Variants in LRRC4C observed in about 807,000 individuals in gnomAD.
LRRC4C encodes the protein leucine rich repeat containing 4C.
Under a neutral mutation model 33.6 loss-of-function variants are expected in LRRC4C, and 5 were observed. The observed-to-expected ratio is 0.15, with a 90% CI of 0.08 to 0.31. The LOEUF is 0.31. Among genes scored for constraint, LRRC4C ranks in the 10% least tolerant of loss-of-function variants. The pLI is 1.00. For missense variants in LRRC4C, 560 were observed against 796.7 expected (o/e 0.70, Z 3.58); for synonymous variants, 329 against 302.0 (o/e 1.09, Z -0.93).
At chr11:40,769,438 C>A (rs1949645896) in intron 2 of LRRC4C, among the ~76,000 whole-genome samples, 1 of 151,910 alleles carries the variant, frequency 6.6e-6, no homozygotes, top group African/African-American at 2.4e-5. Context: ...CAATCTCTAC[C>A]AAAACACCAA....
intron 2 of LRRC4C, among the ~76,000 whole-genome samples, chr11:40,895,137 AT>A (rs2136139273): frequency 6.6e-6 from 1 of 152,264 alleles, no homozygotes; most frequent in African/African-American, 2.4e-5. Context: ...GGAAAAAAAA[AT>A]GTACTGAAAA....
At chr11:40,321,809 C>A (rs1435352820) in intron 3 of LRRC4C, among the ~76,000 whole-genome samples, 2 of 152,154 alleles carry the variant, frequency 1.3e-5, no homozygotes, top group Non-Finnish European at 2.9e-5. Flanking sequence ...CATTCCATTT[C>A]AATTGTATGT....
intron 2 of LRRC4C, among the ~76,000 whole-genome samples, chr11:40,854,732 T>G (rs1157147910): frequency 6.6e-6 from 1 of 150,938 alleles, no homozygotes; most frequent in African/African-American, 2.4e-5. Flanking sequence ...TATATATATT[T>G]TATGTACATA....
chr11:41,414,693 G>C (rs752625108), intron 1 of LRRC4C, among the ~76,000 whole-genome samples: 43 of 152,068 alleles, frequency 2.8e-4, no homozygotes, highest in Non-Finnish European at 5.7e-4. Flanking sequence ...TAAAACCTGG[G>C]AGAGAAGTGG....
At chr11:40,888,400 AG>A (rs1565171838) in intron 2 of LRRC4C, among the ~76,000 whole-genome samples, 1 of 152,044 alleles carries the variant, frequency 6.6e-6, no homozygotes, top group Non-Finnish European at 1.5e-5. Context: ...ATCTAAAGAC[AG>A]TATTCAATCT....
intron 3 of LRRC4C, among the ~76,000 whole-genome samples, chr11:40,416,957 C>A (rs1950345356): frequency 6.6e-6 from 1 of 152,138 alleles, no homozygotes; most frequent in Non-Finnish European, 1.5e-5. Context: ...ATTCACTATG[C>A]CTTCATGACT....
rs185103399 is a variant in LRRC4C at position 41,247,491 on chromosome 11, C to T, written c.-496+211940G>A. On this transcript the variant is annotated intron_variant, in intron 1 of 6. Coordinates refer to ENST00000528697, the MANE Select transcript of LRRC4C (RefSeq NM_001258419.2). ...TAAAAAACGTTAAAATTCCAATAAG[C>T]AATGATGTCTTTTTACTACATTTTA... Among the ~76,000 whole-genome samples the T allele has an allele frequency of 1.6e-3, 238 of 152,232 alleles. 1 individual carries two copies. The highest frequency in any genetic ancestry group is 5.4e-3 in the African/African-American group (225 of 41,538).
intron 1 of LRRC4C, among the ~76,000 whole-genome samples, chr11:41,415,625 G>A (rs1954648445): frequency 2.0e-5 from 3 of 152,056 alleles, no homozygotes; most frequent in East Asian, 1.9e-4. Context: ...TAAAAGCCTC[G>A]AGTCTGTACT....
At chr11:40,691,663 T>A (rs1945226985) in intron 2 of LRRC4C, among the ~76,000 whole-genome samples, 1 of 152,050 alleles carries the variant, frequency 6.6e-6, no homozygotes, top group Non-Finnish European at 1.5e-5. Context: ...ATTGGTAAAA[T>A]TAGGGCTTGC....
chr11:40,296,349 C>T (rs1033966627), intron 4 of LRRC4C, among the ~76,000 whole-genome samples: 1 of 152,134 alleles, frequency 6.6e-6, no homozygotes, highest in Admixed American at 6.5e-5. Context: ...TTTTGTTACA[C>T]TTTTCTCATA....
chr11:40,714,370 A>T (rs1946609315), intron 2 of LRRC4C, among the ~76,000 whole-genome samples: 1 of 152,220 alleles, frequency 6.6e-6, no homozygotes, highest in African/African-American at 2.4e-5. Context: ...TGCACTTCCG[A>T]TCACAATATT....
chr11:40,761,401 C>A (rs1949202572), intron 2 of LRRC4C, among the ~76,000 whole-genome samples: 1 of 152,098 alleles, frequency 6.6e-6, no homozygotes, highest in African/African-American at 2.4e-5. Flanking sequence ...CTTGAGCAAG[C>A]CACTTAATGA....
chr11:41,443,546 G>T (rs1207499537), intron 1 of LRRC4C, among the ~76,000 whole-genome samples: 1 of 151,748 alleles, frequency 6.6e-6, no homozygotes, highest in South Asian at 2.1e-4. Context: ...ATTTAATAAA[G>T]GGAGTCTCTC....
chr11:40,803,936 T>A (rs1364952850), intron 2 of LRRC4C, among the ~76,000 whole-genome samples: 1 of 152,232 alleles, frequency 6.6e-6, no homozygotes, highest in African/African-American at 2.4e-5. Flanking sequence ...TGTACTTTTT[T>A]AGATATTTTT....
At chr11:40,898,170 C>T (rs573237890) in intron 2 of LRRC4C, among the ~76,000 whole-genome samples, 9 of 151,642 alleles carry the variant, frequency 5.9e-5, no homozygotes, top group Admixed American at 2.6e-4. Context: ...GTTTGACCAA[C>T]GTGGAGAAAC....
chr11:41,167,131 A>G (rs928609093), intron 1 of LRRC4C, among the ~76,000 whole-genome samples: 20 of 152,228 alleles, frequency 1.3e-4, no homozygotes, highest in African/African-American at 4.8e-4. Context: ...CAGATGATAT[A>G]GATTTATTTT....
At chr11:41,026,181 C>T (rs542006421) in intron 1 of LRRC4C, among the ~76,000 whole-genome samples, 20 of 151,704 alleles carry the variant, frequency 1.3e-4, no homozygotes, top group African/African-American at 4.6e-4. Flanking sequence ...TTTTGAAAAC[C>T]TTCTGAAAAG....
intron 3 of LRRC4C, among the ~76,000 whole-genome samples, chr11:40,625,106 T>C (rs530819949): frequency 1.3e-5 from 2 of 152,212 alleles, no homozygotes; most frequent in East Asian, 3.9e-4. Context: ...CAAAGAAACA[T>C]TTTAAGTAGG....
chr11:40,340,370 AAACT>A (rs1365982682), intron 3 of LRRC4C, among the ~76,000 whole-genome samples: 15 of 152,276 alleles, frequency 9.9e-5, no homozygotes, highest in Non-Finnish European at 1.8e-4. Flanking sequence ...AAAAAACAGA[AAACT>A]AACAGTGTTG....
Sources: gnomAD v4.1 joint callset for allele counts (sites outside exome capture counted in the v4.1 genomes callset) on GRCh38, gnomAD v4.1.1 for gene constraint, MANE v1.5 for transcripts, NCBI Gene and HGNC (gene_info 2026-07-23, HGNC 2026-07-21) for gene names.